COL6A6: variants seen among roughly 807,000 people sequenced by gnomAD.
COL6A6 encodes the protein collagen type VI alpha 6 chain, also known as collagen alpha-6(VI) chain.
In COL6A6, 183 loss-of-function variants were observed where a neutral mutation model predicts 208.6. The observed-to-expected ratio is 0.88, with a 90% confidence interval of 0.78 to 0.99. COL6A6 has a LOEUF of 0.99. Among genes scored for constraint, COL6A6 ranks in the 50% least tolerant of loss-of-function variants. COL6A6 has a pLI of 0.00. For missense variants in COL6A6, 2,816 were observed against 2,815.2 expected (o/e 1.00, Z -0.01); for synonymous variants, 973 against 1,011.8 (o/e 0.96, Z 0.73).
At chr3:130,661,570 A>G (rs2065931881) in intron 34 of COL6A6, 67 bp from the exon 35 acceptor site, 1 of 1,297,274 alleles carries the variant, frequency 7.7e-7, no homozygotes, top group African/African-American at 1.5e-5. Context: ...AAATGTCAAA[A>G]TATTTGACAT....
intron 8 of COL6A6, among the ~76,000 whole-genome samples, chr3:130,579,712 C>T (rs951378853): frequency 1.1e-4 from 16 of 152,200 alleles, no homozygotes; most frequent in Admixed American, 9.8e-4. Flanking sequence ...TGCCTCCAGT[C>T]CTTTCAAGTC....
At chr3:130,599,602 T>C (rs2063949942) in intron 19 of COL6A6, among the ~76,000 whole-genome samples, 155 bp from the exon 20 acceptor site, 1 of 152,230 alleles carries the variant, frequency 6.6e-6, no homozygotes, top group Non-Finnish European at 1.5e-5. Flanking sequence ...ATGTGACTTA[T>C]GATCAGTAGA....
intron 1 of COL6A6, among the ~76,000 whole-genome samples, chr3:130,517,716 C>T (rs1374855954): frequency 6.6e-6 from 1 of 152,262 alleles, no homozygotes; most frequent in Non-Finnish European, 1.5e-5. Flanking sequence ...CTGAGAGGTG[C>T]GTCACCCAAC....
chr3:130,547,142 C>G (rs1035545664), intron 1 of COL6A6, among the ~76,000 whole-genome samples: 1 of 152,234 alleles, frequency 6.6e-6, no homozygotes, highest in African/African-American at 2.4e-5. Flanking sequence ...AGGTTTGGGC[C>G]ACGAGGCAGC....
At chr3:130,591,148 G>T in intron 13 of COL6A6, 54 bp downstream of exon 13, 2 of 1,277,644 alleles carry the variant, frequency 1.6e-6, no homozygotes. Flanking sequence ...TCTACAATAT[G>T]AATTTCCTTG....
Position 130,520,148 on chromosome 3 carries a change from AG to A in COL6A6, c.-32+2753del, listed in dbSNP as rs1710979868. Among the ~76,000 whole-genome samples the A allele has an allele frequency of 5.3e-5, 8 of 152,312 alleles. No homozygotes were observed. The South Asian group carries it at 1.7e-3, about 32-fold the overall frequency. On this transcript the variant is annotated intron_variant, in intron 1 of 36. Transcript: ENST00000358511. ...TCCGTGAGGGTCAAATTATGCCTGCAGGTAGGAGGCTTTTAAAAGTGCACTC... is the reference window on the plus strand; with the variant it reads ...TCCGTGAGGGTCAAATTATGCCTGCAGTAGGAGGCTTTTAAAAGTGCACTC...
chr3:130,635,496 C>G (rs1032995), intron 27 of COL6A6, among the ~76,000 whole-genome samples: 20,510 of 152,128 alleles, frequency 0.13, 1,655 homozygotes, highest in Admixed American at 0.21. Flanking sequence ...ACTGGGGAGA[C>G]AGCAGAGTGA....
Position 130,606,984 on chromosome 3 carries a change from C to T in COL6A6, c.4689+18C>T, listed in dbSNP as rs1326624591. 9 of 1,597,556 alleles carry T rather than the reference C, an allele frequency of 5.6e-6. No individual in the cohort carries two copies. The African/African-American group carries it at 8.1e-5, about 14-fold the overall frequency. On this transcript the variant is annotated intron_variant, in intron 21 of 36. Transcript: ENST00000358511. ...GCCCACAGGTACAATGATTTTTCCCCTTAACTCCAAATAACAAATACTGCA... is the reference window on the plus strand; with the variant it reads ...GCCCACAGGTACAATGATTTTTCCCTTTAACTCCAAATAACAAATACTGCA...
chr3:130,530,530 GTTAGTA>G (rs1056062427), intron 1 of COL6A6, among the ~76,000 whole-genome samples: 2 of 152,226 alleles, frequency 1.3e-5, no homozygotes, highest in Non-Finnish European at 2.9e-5. Flanking sequence ...TATGTTAACT[GTTAGTA>G]TTATTAACTG....
intron 1 of COL6A6, among the ~76,000 whole-genome samples, chr3:130,517,700 C>A (rs567310457): frequency 6.6e-6 from 1 of 152,260 alleles, no homozygotes; most frequent in Non-Finnish European, 1.5e-5. Context: ...CGCACCAGGG[C>A]GCCTCCTGAG....
In COL6A6 at chr3:130,571,259, T is replaced by C. The variant is rs780956214; in HGVS notation, c.2843T>C (p.Ile948Thr). The C allele has an allele frequency of 6.2e-7, 1 of 1,614,050 alleles. No homozygotes were observed. Among genetic ancestry groups the C allele is most frequent in the East Asian group, 2.2e-5 (1 of 44,880 alleles). Residue 948 changes from isoleucine to threonine, a missense_variant, in exon 7 of 37, where the codon ATT becomes ACT. By Grantham distance (89) the Ile-to-Thr change is moderately conservative. Coordinates refer to ENST00000358511, the MANE Select transcript of COL6A6 (RefSeq NM_001102608.3). The part of the protein sequence containing the change: ...DKGILVLAVG[I>T]DGANPVELLA... The stretch of plus-strand genomic sequence containing the variant: ...GGCATTCTTGTCCTGGCTGTGGGGA[T>C]TGATGGTGCCAATCCCGTGGAGCTG...
At chr3:130,634,536 A>T in intron 26 of COL6A6, 54 bp from the exon 27 acceptor site, 1 of 1,503,558 alleles carries the variant, frequency 6.7e-7, no homozygotes, top group South Asian at 1.2e-5. Flanking sequence ...AAATCAATGT[A>T]GACTTCATTG....
chr3:130,634,602 T>A lies in COL6A6; in HGVS notation c.5005T>A (p.Phe1669Ile), dbSNP rs747801161. The change falls in exon 27 of 37, where the codon TTC becomes ATC. Residue 1669 changes from phenylalanine (F) to isoleucine (I), a missense_variant. By Grantham distance (21) the Phe-to-Ile change is conservative. Transcript: ENST00000358511. Reference sequence around the variant, plus strand: ...CTGTCCATTACAGGGACAAGAAGGATTCCCTGGAGAAAGTGGACCTAAGGT... The same window carrying A: ...CTGTCCATTACAGGGACAAGAAGGAATCCCTGGAGAAAGTGGACCTAAGGT... ...GRKGAKGQEG[F>I]PGESGPKGEI... 1 of 1,607,908 alleles carries A rather than the reference T, an allele frequency of 6.2e-7. No individual in the cohort carries two copies. Among genetic ancestry groups the A allele is most frequent in the Admixed American group, 1.7e-5 (1 of 59,408 alleles).
intron 28 of COL6A6, among the ~76,000 whole-genome samples, chr3:130,640,475 C>T (rs2065276838): frequency 6.6e-6 from 1 of 152,288 alleles, no homozygotes; most frequent in African/African-American, 2.4e-5. Flanking sequence ...CCTTTATCTT[C>T]TAAATAAAAA....
At chr3:130,598,828 A>T (rs1193531617) in intron 19 of COL6A6, among the ~76,000 whole-genome samples, 1 of 152,204 alleles carries the variant, frequency 6.6e-6, no homozygotes, top group Non-Finnish European at 1.5e-5. Flanking sequence ...AAAGAACAAG[A>T]TCTGGTAGAT....
intron 1 of COL6A6, among the ~76,000 whole-genome samples, chr3:130,559,492 G>A (rs955549481): frequency 1.3e-5 from 2 of 152,168 alleles, no homozygotes; most frequent in African/African-American, 2.4e-5. Context: ...AGCCTGCCTG[G>A]TATAGGGTGA....
intron 1 of COL6A6, among the ~76,000 whole-genome samples, chr3:130,526,812 A>AT (rs2107683572): frequency 6.9e-6 from 1 of 145,972 alleles, no homozygotes; most frequent in East Asian, 2.3e-4. Flanking sequence ...GCTCCATGAG[A>AT]TAAAAAAAAA....
chr3:130,645,122 T>C, intron 32 of COL6A6, 120 bp downstream of exon 32: 1 of 918,058 alleles, frequency 1.1e-6, no homozygotes, highest in South Asian at 1.3e-5. Context: ...GGGCTTTCTT[T>C]GCTGCTGCCT....
At chr3:130,544,536 G>T (rs2062447121) in intron 1 of COL6A6, among the ~76,000 whole-genome samples, 1 of 152,130 alleles carries the variant, frequency 6.6e-6, no homozygotes, top group Admixed American at 6.5e-5. Flanking sequence ...TTTCCTTTGG[G>T]TATATACCCA....
Sources: allele counts gnomAD v4.1 joint callset (sites outside exome capture counted in the v4.1 genomes callset), GRCh38; gene constraint gnomAD v4.1.1; transcripts MANE v1.5; gene names NCBI Gene and HGNC (gene_info 2026-07-23, HGNC 2026-07-21).